PTPRN2: variants seen among roughly 807,000 people sequenced by gnomAD.
The protein encoded by PTPRN2 is protein tyrosine phosphatase receptor type N2.
A neutral mutation model predicts 118.8 loss-of-function variants in PTPRN2; 74 were observed. That is an observed-to-expected ratio of 0.62 (90% CI 0.52 to 0.76). The LOEUF is 0.76. PTPRN2 is among the 30% of genes least tolerant of loss of function. The pLI, the probability that PTPRN2 is intolerant of heterozygous loss-of-function variation, is 0.00. For synonymous variants in PTPRN2, 641 were observed against 608.0 expected, an observed-to-expected ratio of 1.05 and a Z score of -0.80; for missense variants, 1,481 against 1,394.4, an observed-to-expected ratio of 1.06 and a Z score of -0.99.
At chr7:158,288,428 C>A (rs138775714) in intron 3 of PTPRN2, among the ~76,000 whole-genome samples, 6 of 152,154 alleles carry the variant, frequency 3.9e-5, no homozygotes, top group African/African-American at 1.2e-4. Context: ...TGCTTTGATT[C>A]CTTACTTTCT....
intron 2 of PTPRN2, among the ~76,000 whole-genome samples, chr7:158,442,030 A>G (rs1451694249): frequency 8.8e-6 from 1 of 113,460 alleles, no homozygotes; most frequent in African/African-American, 3.4e-5. Context: ...TGATGGTGAT[A>G]GTGATGGTGG....
chr7:158,189,030 C>T (rs1291340206), intron 5 of PTPRN2, among the ~76,000 whole-genome samples: 1 of 152,160 alleles, frequency 6.6e-6, no homozygotes, highest in Non-Finnish European at 1.5e-5. Context: ...CAGGAACTTG[C>T]TTTCCCCAGG....
rs978776387 is a variant in PTPRN2 at position 157,615,236 on chromosome 7, G to C, written c.2344+6126C>G. Among the ~76,000 whole-genome samples, 19 of 152,226 alleles carry C rather than the reference G, an allele frequency of 1.2e-4. No individual in the cohort carries two copies. The highest frequency in any genetic ancestry group is 4.1e-4 in the South Asian group (2 of 4,828). ...GTTTAAAACTCTTGTAATAAAAAGT[G>C]GGGGAGGAAGTCATGCTAAGCCAGC... On this transcript the variant is annotated intron_variant, in intron 15 of 22. Transcript: ENST00000389418. The surrounding 1 kb of genome is among the most constrained non-coding windows in gnomAD (Gnocchi z 4.3).
chr7:158,351,405 C>A (rs1474218894), intron 2 of PTPRN2, among the ~76,000 whole-genome samples: 1 of 152,204 alleles, frequency 6.6e-6, no homozygotes, highest in Admixed American at 6.5e-5. Flanking sequence ...GGGCTCCCTG[C>A]AGGCCTGCAG....
rs1473607058 is a variant in PTPRN2, at chr7:157,585,078, T to A, written c.2497-6938A>T. ...GTAAACAAATATCTCAGTGTGGGAT[T>A]CATTTAGGGATGACACGATGAGGTG... On this transcript the variant is annotated intron_variant, in intron 17 of 22. Coordinates refer to ENST00000389418, the MANE Select transcript of PTPRN2 (RefSeq NM_002847.5). This position sits in a 1 kb window ranked among gnomAD's most constrained non-coding sequence, Gnocchi z 5.2. Among the ~76,000 whole-genome samples, 1 of 152,126 alleles carries A rather than the reference T, an allele frequency of 6.6e-6. No individual in the cohort carries two copies.
At chr7:158,169,666 A>G (rs752440107) in intron 5 of PTPRN2, among the ~76,000 whole-genome samples, 1 of 152,036 alleles carries the variant, frequency 6.6e-6, no homozygotes, top group Non-Finnish European at 1.5e-5. Flanking sequence ...TCTTCTGTCA[A>G]AAAAGGAAAT....
At chr7:157,838,306 T>C (rs779183225) in intron 12 of PTPRN2, among the ~76,000 whole-genome samples, 1,237 of 98,204 alleles carry the variant, frequency 0.013, 4 homozygotes, top group Middle Eastern at 0.069. Context: ...GTGGATGGCA[T>C]GGGAGAAAGC....
chr7:158,312,107 G>A (rs952181583), intron 3 of PTPRN2, among the ~76,000 whole-genome samples: 8 of 103,924 alleles, frequency 7.7e-5, no homozygotes, highest in African/African-American at 2.2e-4. Flanking sequence ...ACATGTAGAC[G>A]CCCACACAAG....
chr7:158,587,048 C>T (rs1828983416), intron 1 of PTPRN2, among the ~76,000 whole-genome samples: 1 of 152,030 alleles, frequency 6.6e-6, no homozygotes, highest in African/African-American at 2.4e-5. Flanking sequence ...GCTTGAGACC[C>T]AGAGCCTGGG....
At chr7:157,979,131 C>A (rs1437455279) in intron 11 of PTPRN2, among the ~76,000 whole-genome samples, 1 of 152,018 alleles carries the variant, frequency 6.6e-6, no homozygotes, top group Non-Finnish European at 1.5e-5. Context: ...GGGATTGTTT[C>A]TCTTTCTGTG....
At chr7:157,679,132 A>G (rs1796802228) in intron 13 of PTPRN2, among the ~76,000 whole-genome samples, 1 of 152,180 alleles carries the variant, frequency 6.6e-6, no homozygotes, top group Non-Finnish European at 1.5e-5. Flanking sequence ...TGCATATATG[A>G]CAGGCTATGC....
intron 10 of PTPRN2, among the ~76,000 whole-genome samples, chr7:158,109,091 G>C (rs867861442): frequency 6.6e-6 from 1 of 151,938 alleles, no homozygotes. Context: ...CATCACCCCT[G>C]TGTGAAGGAG....
At position 157,671,890 on chromosome 7, in the gene PTPRN2, G is replaced by T. The variant is rs1048537769; in HGVS notation, c.2001+10835C>A. Among the ~76,000 whole-genome samples the T allele has an allele frequency of 2.6e-5, 4 of 152,152 alleles. No individual in the cohort carries two copies. Among genetic ancestry groups the T allele is most frequent in the Admixed American group, 2.6e-4 (4 of 15,282 alleles). ...CAGAGGTCTCAGCTCTGACCGAAGG[G>T]TGCTGAGCCCTAAGGTCTGTACGGG... On this transcript the variant is annotated intron_variant, in intron 13 of 22. Transcript: ENST00000389418. This position sits in a 1 kb window ranked among gnomAD's most constrained non-coding sequence, Gnocchi z 4.1.
intron 2 of PTPRN2, among the ~76,000 whole-genome samples, 179 bp downstream of exon 2, chr7:158,489,556 T>C: frequency 6.6e-6 from 1 of 152,154 alleles, no homozygotes; most frequent in East Asian, 1.9e-4. Context: ...GGGCAACCTC[T>C]TCTCCCCACC....
intron 12 of PTPRN2, among the ~76,000 whole-genome samples, chr7:157,758,312 T>C (rs1242034013): frequency 5.3e-5 from 8 of 152,238 alleles, no homozygotes; most frequent in South Asian, 2.1e-4. Context: ...TGCACGCTCC[T>C]GGGTCATGCT....
At position 157,787,801 on chromosome 7, in the gene PTPRN2, G is replaced by C. The variant is rs943929505; in HGVS notation, c.1789-104864C>G. ...GTGCTCATGGCTGGGGGAGGCACCT[G>C]GGGGCCCCGTCCAAGCTGCCAAGGG... On this transcript the variant is annotated intron_variant, in intron 12 of 22. Coordinates refer to ENST00000389418, the MANE Select transcript of PTPRN2 (RefSeq NM_002847.5). This position sits in a 1 kb window ranked among gnomAD's most constrained non-coding sequence, Gnocchi z 5.3. Among the ~76,000 whole-genome samples the C allele has an allele frequency of 6.6e-6, 1 of 152,160 alleles. No individual in the cohort carries two copies. Among genetic ancestry groups the C allele is most frequent in the African/African-American group, 2.4e-5 (1 of 41,442 alleles).
intron 12 of PTPRN2, among the ~76,000 whole-genome samples, chr7:157,745,041 G>A (rs997028092): frequency 2.0e-5 from 3 of 152,186 alleles, no homozygotes; most frequent in Admixed American, 6.5e-5. Flanking sequence ...TCTGAGAGGC[G>A]CCTCTGAGTC....
chr7:157,652,995 G>A (rs2150729807), intron 14 of PTPRN2, among the ~76,000 whole-genome samples: 1 of 152,304 alleles, frequency 6.6e-6, no homozygotes, highest in Middle Eastern at 3.4e-3. Context: ...TTCCTGTGGG[G>A]CCACAGCCAG....
At chr7:158,323,637 G>T (rs1803217702) in intron 2 of PTPRN2, among the ~76,000 whole-genome samples, 1 of 152,160 alleles carries the variant, frequency 6.6e-6, no homozygotes, top group Non-Finnish European at 1.5e-5. Context: ...ATAAGAAAAA[G>T]AGCTCATTTA....
Sources: allele counts gnomAD v4.1 joint callset (sites outside exome capture counted in the v4.1 genomes callset), GRCh38; gene constraint gnomAD v4.1.1; non-coding constraint Gnocchi (gnomAD v3.1); transcripts MANE v1.5; gene names NCBI Gene and HGNC (gene_info 2026-07-23, HGNC 2026-07-21).